The following TMEM266 variants were observed in gnomAD, a reference collection of about 807,000 sequenced individuals.
TMEM266 encodes Hv1 related protein 1.
Under a neutral mutation model 50.5 loss-of-function variants are expected in TMEM266, and 33 were observed. The ratio of observed to expected loss-of-function variants is 0.65; its 90% CI spans 0.50 to 0.87. TMEM266 has a LOEUF of 0.87. Ranked by LOEUF, TMEM266 falls within the 40% of genes least tolerant of loss-of-function variation. The pLI, the probability that TMEM266 is intolerant of heterozygous loss-of-function variation, is 0.00. For synonymous variants in TMEM266, 310 were observed against 292.3 expected, an observed-to-expected ratio of 1.06 and a Z score of -0.62; for missense variants, 655 against 695.1, an observed-to-expected ratio of 0.94 and a Z score of 0.65.
chr15:76,102,744 C>G (rs1040081576), intron 1 of TMEM266, among the ~76,000 whole-genome samples: 1 of 149,448 alleles, frequency 6.7e-6, no homozygotes, highest in African/African-American at 2.5e-5. Context: ...GAGGCTGAGG[C>G]AGGAGAATCA....
At chr15:76,110,031 A>G (rs1193025055) in intron 1 of TMEM266, among the ~76,000 whole-genome samples, 2 of 149,944 alleles carry the variant, frequency 1.3e-5, no homozygotes, top group Non-Finnish European at 3.0e-5. Context: ...ACAGAGTCTC[A>G]CCCTGTCGCC....
intron 1 of TMEM266, among the ~76,000 whole-genome samples, chr15:76,133,664 C>T (rs2037548580): frequency 6.6e-6 from 1 of 152,078 alleles, no homozygotes; most frequent in African/African-American, 2.4e-5. Context: ...GGCAGCCCAG[C>T]TCCAGGATCT....
intron 1 of TMEM266, among the ~76,000 whole-genome samples, chr15:76,110,920 A>C (rs2037161530): frequency 6.6e-6 from 1 of 152,198 alleles, no homozygotes; most frequent in Non-Finnish European, 1.5e-5. Flanking sequence ...ATGCAAATTA[A>C]AACAACAACG....
At chr15:76,140,058 G>C (rs1408353343) in intron 3 of TMEM266, among the ~76,000 whole-genome samples, 1 of 152,258 alleles carries the variant, frequency 6.6e-6, no homozygotes, top group Non-Finnish European at 1.5e-5. Flanking sequence ...GCCTTTGCAA[G>C]GTTCCTTCCC....
chr15:76,183,184 C>T (rs1419612988), intron 8 of TMEM266, among the ~76,000 whole-genome samples: 2 of 132,228 alleles, frequency 1.5e-5, no homozygotes, highest in Admixed American at 9.4e-5. Flanking sequence ...GACATGATCT[C>T]GGCTCACTGC....
chr15:76,069,179 C>T (rs956232216), intron 1 of TMEM266, among the ~76,000 whole-genome samples: 1 of 152,138 alleles, frequency 6.6e-6, no homozygotes, highest in Non-Finnish European at 1.5e-5. Context: ...CAGATTCGGC[C>T]TAGTTAGCAG....
chr15:76,134,841 CA>C (rs1306907898), intron 2 of TMEM266, among the ~76,000 whole-genome samples: 2 of 152,282 alleles, frequency 1.3e-5, no homozygotes, highest in East Asian at 3.9e-4. Flanking sequence ...TAGAATACAA[CA>C]AAAAATGTTT....
chr15:76,126,987 AGACCTAATATATTAGGTCTGT>A (rs2037433835), intron 1 of TMEM266, among the ~76,000 whole-genome samples: 1 of 152,192 alleles, frequency 6.6e-6, no homozygotes, highest in African/African-American at 2.4e-5. Context: ...TACATGCTGG[AGACCTAATATATTAGGTCTGT>A]GACTAATAAT....
At chr15:76,195,394 G>A (rs2038639103) in intron 9 of TMEM266, among the ~76,000 whole-genome samples, 1 of 152,238 alleles carries the variant, frequency 6.6e-6, no homozygotes, top group African/African-American at 2.4e-5. Flanking sequence ...TCTGGGAGCT[G>A]AGGCCAGTCA....
intron 8 of TMEM266, among the ~76,000 whole-genome samples, chr15:76,189,065 G>T (rs1014755667): frequency 6.6e-6 from 1 of 152,098 alleles, no homozygotes; most frequent in African/African-American, 2.4e-5. Flanking sequence ...CCGGGCATGT[G>T]CCTGTCGTCC....
chr15:76,078,846 A>T (rs1262652705), intron 1 of TMEM266, among the ~76,000 whole-genome samples: 2 of 152,238 alleles, frequency 1.3e-5, no homozygotes, highest in Non-Finnish European at 2.9e-5. Context: ...GGAGGACAGA[A>T]GTCCAATATC....
chr15:76,187,492 G>C (rs573851553), intron 8 of TMEM266, among the ~76,000 whole-genome samples: 1 of 152,236 alleles, frequency 6.6e-6, no homozygotes, highest in Non-Finnish European at 1.5e-5. Context: ...TGCCTTATGG[G>C]CCTTCAGTCG....
intron 1 of TMEM266, among the ~76,000 whole-genome samples, chr15:76,111,030 T>C (rs2037163073): frequency 6.6e-6 from 1 of 151,512 alleles, no homozygotes; most frequent in African/African-American, 2.4e-5. Flanking sequence ...CATTCACTGC[T>C]GATGGGAATG....
At chr15:76,086,142 GAA>G (rs2036773907) in intron 1 of TMEM266, among the ~76,000 whole-genome samples, 1 of 152,136 alleles carries the variant, frequency 6.6e-6, no homozygotes, top group Non-Finnish European at 1.5e-5. Flanking sequence ...CAGGTGAATG[GAA>G]GAAACAAACT....
intron 10 of TMEM266, 148 bp from the exon 11 acceptor site, chr15:76,203,593 G>A: frequency 1.4e-6 from 1 of 711,348 alleles, no homozygotes; most frequent in Admixed American, 2.5e-5. Flanking sequence ...CTGGGAGGGA[G>A]TTCTACCAAG....
chr15:76,163,272 G>C (rs1388237294), intron 5 of TMEM266, among the ~76,000 whole-genome samples: 1 of 152,228 alleles, frequency 6.6e-6, no homozygotes, highest in Non-Finnish European at 1.5e-5. Flanking sequence ...CCAGGCCATA[G>C]AGCTAGGCCC....
intron 9 of TMEM266, among the ~76,000 whole-genome samples, chr15:76,194,238 T>G (rs1228231611): frequency 6.6e-6 from 1 of 152,260 alleles, no homozygotes; most frequent in South Asian, 2.1e-4. Flanking sequence ...GCTTGTTTGA[T>G]TCCTGCCTTT....
At chr15:76,078,898 G>A (rs2036643489) in intron 1 of TMEM266, among the ~76,000 whole-genome samples, 1 of 152,258 alleles carries the variant, frequency 6.6e-6, no homozygotes, top group African/African-American at 2.4e-5. Flanking sequence ...GGCTCTGGGG[G>A]AAAATTCTTC....
intron 1 of TMEM266, among the ~76,000 whole-genome samples, chr15:76,095,080 C>T (rs1001661867): frequency 6.6e-6 from 1 of 152,184 alleles, no homozygotes; most frequent in East Asian, 1.9e-4. Flanking sequence ...TTGACTTCCT[C>T]TCTTCCTATT....
Sources: allele counts gnomAD v4.1 joint callset (sites outside exome capture counted in the v4.1 genomes callset), GRCh38; gene constraint gnomAD v4.1.1; transcripts MANE v1.5; gene names NCBI Gene and HGNC (gene_info 2026-07-23, HGNC 2026-07-21).